DTNA: variants seen among roughly 807,000 people sequenced by gnomAD.
DTNA encodes the protein dystrobrevin alpha.
DTNA carries 43 observed loss-of-function variants against 100.7 expected under a neutral mutation model. That is an observed-to-expected ratio of 0.43 (90% CI 0.33 to 0.55). The LOEUF is 0.55. Ranked by LOEUF, DTNA falls within the 20% of genes least tolerant of loss-of-function variation. The pLI is 0.04. For missense variants in DTNA, 798 were observed against 953.9 expected (o/e 0.84, Z 2.15); for synonymous variants, 349 against 347.9 (o/e 1.00, Z -0.04).
intron 1 of DTNA, among the ~76,000 whole-genome samples, chr18:34,716,511 C>T (rs1341123354): frequency 1.3e-5 from 2 of 151,382 alleles, no homozygotes; most frequent in African/African-American, 2.4e-5. Flanking sequence ...TGCAGTGAGC[C>T]GAGATCACAC....
At chr18:34,553,592 C>A (rs1039947450) in intron 1 of DTNA, among the ~76,000 whole-genome samples, 8 of 152,064 alleles carry the variant, frequency 5.3e-5, no homozygotes, top group African/African-American at 1.7e-4. Context: ...TCAGCTTTCT[C>A]CATATGGCTA....
At chr18:34,651,998 C>T (rs944160309) in intron 1 of DTNA, among the ~76,000 whole-genome samples, 9 of 151,522 alleles carry the variant, frequency 5.9e-5, no homozygotes, top group African/African-American at 2.2e-4. Context: ...CCAGGGGGGT[C>T]AAGGCTGCAG....
chr18:34,615,146 G>C (rs1431613459), intron 1 of DTNA, among the ~76,000 whole-genome samples: 1 of 152,168 alleles, frequency 6.6e-6, no homozygotes, highest in Admixed American at 6.5e-5. Flanking sequence ...GCCTCAGGGA[G>C]CTTTGACTTA....
At chr18:34,651,829 C>T (rs1281074414) in intron 1 of DTNA, among the ~76,000 whole-genome samples, 7 of 151,878 alleles carry the variant, frequency 4.6e-5, no homozygotes, top group African/African-American at 4.8e-5. Flanking sequence ...TTTGGGAGGC[C>T]GAGGTGGGAA....
intron 1 of DTNA, among the ~76,000 whole-genome samples, chr18:34,692,283 G>T (rs2079882002): frequency 3.3e-5 from 5 of 152,168 alleles, no homozygotes; most frequent in Admixed American, 2.6e-4. Flanking sequence ...CACAGAGGGG[G>T]TCCGTGGCAC....
intron 1 of DTNA, among the ~76,000 whole-genome samples, chr18:34,674,414 A>G (rs2077151895): frequency 1.3e-5 from 2 of 152,324 alleles, no homozygotes; most frequent in African/African-American, 4.8e-5. Context: ...GAGGATGCCT[A>G]AGCATCCAAT....
intron 1 of DTNA, among the ~76,000 whole-genome samples, chr18:34,639,479 A>C (rs376313477): frequency 6.6e-6 from 1 of 152,204 alleles, no homozygotes; most frequent in African/African-American, 2.4e-5. Context: ...ATAGAATTGC[A>C]GGTAATATTG....
chr18:34,660,558 G>A (rs2075041194), intron 1 of DTNA, among the ~76,000 whole-genome samples: 1 of 151,964 alleles, frequency 6.6e-6, no homozygotes, highest in African/African-American at 2.4e-5. Context: ...CCCTTTCCAG[G>A]TCTTTTTCCT....
intron 1 of DTNA, among the ~76,000 whole-genome samples, chr18:34,719,903 C>T (rs1047288774): frequency 6.6e-6 from 1 of 152,170 alleles, no homozygotes; most frequent in Non-Finnish European, 1.5e-5. Context: ...TCTATATACT[C>T]ATCTACATGG....
intron 1 of DTNA, among the ~76,000 whole-genome samples, chr18:34,655,094 C>G (rs1043581516): frequency 3.9e-5 from 6 of 152,042 alleles, no homozygotes; most frequent in Admixed American, 3.9e-4. Context: ...TTTCAGAACT[C>G]CATAATATGC....
chr18:34,879,799 G>A, intron 20 of DTNA, 80 bp downstream of exon 20: 1 of 1,560,206 alleles, frequency 6.4e-7, no homozygotes, highest in Non-Finnish European at 8.7e-7. Flanking sequence ...AAGCATAATT[G>A]TTTAGGGTTT....
chr18:34,786,560 G>A (rs1489500719), intron 3 of DTNA, among the ~76,000 whole-genome samples: 1 of 152,112 alleles, frequency 6.6e-6, no homozygotes, highest in African/African-American at 2.4e-5. Flanking sequence ...TCAGACACCA[G>A]TCACCCTCAC....
chr18:34,787,449 C>G (rs1332994661), intron 3 of DTNA, among the ~76,000 whole-genome samples: 1 of 152,006 alleles, frequency 6.6e-6, no homozygotes, highest in Admixed American at 6.6e-5. Flanking sequence ...AAAGGCTGGC[C>G]CTGGATAAAT....
intron 3 of DTNA, among the ~76,000 whole-genome samples, chr18:34,787,653 T>G (rs2148918093): frequency 6.6e-6 from 1 of 152,322 alleles, no homozygotes; most frequent in Middle Eastern, 3.4e-3. Flanking sequence ...AATGAAGGAC[T>G]CCATCTCCCA....
At chr18:34,699,681 T>G (rs1441501305) in intron 1 of DTNA, among the ~76,000 whole-genome samples, 1 of 152,114 alleles carries the variant, frequency 6.6e-6, no homozygotes, top group African/African-American at 2.4e-5. Flanking sequence ...CCTGAGACTT[T>G]GGTGGAGGCA....
intron 4 of DTNA, among the ~76,000 whole-genome samples, chr18:34,804,466 A>G (rs1351572908): frequency 6.6e-6 from 1 of 152,172 alleles, no homozygotes; most frequent in Non-Finnish European, 1.5e-5. Context: ...TGACAGTGGG[A>G]ATGAAAAGAA....
chr18:34,593,767 ATTTG>A (rs2146969085), intron 1 of DTNA, among the ~76,000 whole-genome samples: 2 of 152,212 alleles, frequency 1.3e-5, no homozygotes, highest in African/African-American at 4.8e-5. Context: ...CTTTATCCTT[ATTTG>A]TTTTTCCCTC....
intron 1 of DTNA, among the ~76,000 whole-genome samples, chr18:34,503,792 A>G (rs2040202977): frequency 1.3e-5 from 2 of 150,882 alleles, no homozygotes; most frequent in African/African-American, 4.9e-5. Flanking sequence ...CCACTTCTAT[A>G]TGTATAGTGT....
intron 1 of DTNA, among the ~76,000 whole-genome samples, chr18:34,713,218 C>T (rs2083259365): frequency 6.6e-6 from 1 of 151,912 alleles, no homozygotes; most frequent in Non-Finnish European, 1.5e-5. Context: ...AAAGCTCTTG[C>T]CTCTTTGTGT....
Sources: allele counts gnomAD v4.1 joint callset (sites outside exome capture counted in the v4.1 genomes callset), GRCh38; gene constraint gnomAD v4.1.1; transcripts MANE v1.5; gene names NCBI Gene and HGNC (gene_info 2026-07-23, HGNC 2026-07-21).